RORA: variants seen among roughly 807,000 people sequenced by gnomAD.
RORA encodes RAR related orphan receptor A.
A neutral mutation model predicts 69.5 loss-of-function variants in RORA; 7 were observed. That is an observed-to-expected ratio of 0.10 (90% CI 0.06 to 0.19). The LOEUF (loss-of-function observed/expected upper bound fraction) is 0.19. Ranked by LOEUF, RORA falls within the 10% of genes least tolerant of loss-of-function variation. The pLI is 1.00. For synonymous variants in RORA, 261 were observed against 240.8 expected, an observed-to-expected ratio of 1.08 and a Z score of -0.78; for missense variants, 457 against 663.0, an observed-to-expected ratio of 0.69 and a Z score of 3.41.
chr15:60,995,151 A>G lies in RORA; in HGVS notation c.166+233902T>C, dbSNP rs1449250884. 2.0e-5 allele frequency among the ~76,000 whole-genome samples: 3 copies of G among 152,224 alleles called. No homozygotes were observed. In the East Asian group the frequency reaches 5.8e-4, roughly 29 times the overall value. On this transcript the variant is annotated intron_variant, in intron 1 of 10. Coordinates refer to ENST00000335670, the MANE Select transcript of RORA (RefSeq NM_134261.3). ...GGTGGGGCAGAGAATAGGGAAATGAATAAGAATAATGACTTAAAAGCTTTC... is the reference window on the plus strand; with the variant it reads ...GGTGGGGCAGAGAATAGGGAAATGAGTAAGAATAATGACTTAAAAGCTTTC...
chr15:61,007,634 T>C (rs563755965), intron 1 of RORA, among the ~76,000 whole-genome samples: 1 of 151,188 alleles, frequency 6.6e-6, no homozygotes, highest in African/African-American at 2.4e-5. Context: ...ACACATATTT[T>C]TATTACAAAG....
At chr15:60,767,889 C>CTGG (rs1159799103) in intron 1 of RORA, among the ~76,000 whole-genome samples, 1 of 152,322 alleles carries the variant, frequency 6.6e-6, no homozygotes, top group African/African-American at 2.4e-5. Context: ...GGTCCGTACA[C>CTGG]TGGTGGCTTT....
intron 1 of RORA, among the ~76,000 whole-genome samples, chr15:60,686,076 G>A (rs529330933): frequency 1.3e-3 from 192 of 152,196 alleles, no homozygotes; most frequent in Non-Finnish European, 2.1e-3. Flanking sequence ...AAAAAAATTT[G>A]TGATTGCTCT....
intron 1 of RORA, among the ~76,000 whole-genome samples, chr15:60,870,164 G>A (rs1306396422): frequency 6.6e-6 from 1 of 152,182 alleles, no homozygotes; most frequent in Non-Finnish European, 1.5e-5. Flanking sequence ...GCCACAGCTG[G>A]CTACAGAAAC....
chr15:60,708,990 C>T (rs115176218), intron 1 of RORA, among the ~76,000 whole-genome samples: 2 of 152,290 alleles, frequency 1.3e-5, no homozygotes, highest in African/African-American at 4.8e-5. Flanking sequence ...GCAAAGAATA[C>T]GTGAGCAGCT....
chr15:61,027,701 A>G (rs1895903523), intron 1 of RORA, among the ~76,000 whole-genome samples: 1 of 152,226 alleles, frequency 6.6e-6, no homozygotes, highest in Non-Finnish European at 1.5e-5. Flanking sequence ...CTTGCAATTA[A>G]TAGGAGATCC....
intron 1 of RORA, among the ~76,000 whole-genome samples, chr15:60,712,302 A>G (rs1002442285): frequency 6.6e-6 from 1 of 152,204 alleles, no homozygotes; most frequent in Non-Finnish European, 1.5e-5. Flanking sequence ...TTTTCTTTAA[A>G]AAGGTGTGTT....
intron 2 of RORA, among the ~76,000 whole-genome samples, chr15:60,629,738 G>T (rs887673427): frequency 3.3e-5 from 5 of 152,208 alleles, no homozygotes; most frequent in Non-Finnish European, 7.3e-5. Context: ...CTAGGTGTGG[G>T]CTGCACAGAT....
chr15:60,503,816 T>C, intron 6 of RORA, 149 bp from the exon 7 acceptor site: 1 of 943,642 alleles, frequency 1.1e-6, no homozygotes, highest in Non-Finnish European at 1.5e-6. Flanking sequence ...TTTTATTTTA[T>C]TTTTGAGATG....
At chr15:60,961,481 G>A (rs892128714) in intron 1 of RORA, among the ~76,000 whole-genome samples, 13 of 152,178 alleles carry the variant, frequency 8.5e-5, no homozygotes, top group South Asian at 2.1e-4. Context: ...ATTGATATAC[G>A]TGACAGAGAC....
At chr15:60,598,486 T>A (rs1415759853) in intron 2 of RORA, 2 of 152,222 alleles carry the variant, frequency 1.3e-5, no homozygotes, top group African/African-American at 4.8e-5. Flanking sequence ...AAGACCTTTA[T>A]GACAATCCAC....
rs1249958322 is a variant in RORA at position 60,883,149 on chromosome 15, AAAGAAAGAGAG to A, written c.167-204474_167-204464del. Among the ~76,000 whole-genome samples the A allele has an allele frequency of 1.0e-3, 35 of 34,146 alleles. 1 individual carries two copies. The highest frequency in any genetic ancestry group is 9.8e-3 in the East Asian group (11 of 1,124). The allele number at this position is 34,146 out of a possible 152,430, so 22.4% of individuals were successfully genotyped here. A position where few individuals can be genotyped will look rare whatever the true frequency, so the allele number is the denominator to read the frequency against. ...TCGTCTCAAAAAAAAAAAAAAAAAAAAAGAAAGAGAGAGAGAGAGAGAGAGAGAGAGAGAAA... is the reference window on the plus strand; with the variant it reads ...TCGTCTCAAAAAAAAAAAAAAAAAAAAGAGAGAGAGAGAGAGAGAGAGAAA... On this transcript the variant is annotated intron_variant, in intron 1 of 10. Transcript: ENST00000335670.
intron 2 of RORA, among the ~76,000 whole-genome samples, chr15:60,581,017 C>T (rs1159450571): frequency 1.3e-5 from 2 of 152,158 alleles, no homozygotes; most frequent in Admixed American, 1.3e-4. Context: ...ACTACAGCAC[C>T]CACATTTTCT....
chr15:61,133,882 G>A (rs2079214008), intron 1 of RORA, among the ~76,000 whole-genome samples: 1 of 152,128 alleles, frequency 6.6e-6, no homozygotes, highest in South Asian at 2.1e-4. Context: ...ATCTTTAACT[G>A]TAGCAAAATA....
At chr15:60,767,528 A>C (rs1435323676) in intron 1 of RORA, among the ~76,000 whole-genome samples, 1 of 152,166 alleles carries the variant, frequency 6.6e-6, no homozygotes, top group Non-Finnish European at 1.5e-5. Flanking sequence ...TTAGCTTTGA[A>C]GCATCCTTCT....
intron 1 of RORA, among the ~76,000 whole-genome samples, chr15:60,813,056 C>T (rs1264070386): frequency 2.6e-5 from 4 of 152,290 alleles, no homozygotes; most frequent in Admixed American, 6.5e-5. Context: ...TGATGCAGAT[C>T]GGTGGTCTTT....
chr15:60,723,864 G>T (rs2071323906), intron 1 of RORA, among the ~76,000 whole-genome samples: 1 of 152,214 alleles, frequency 6.6e-6, no homozygotes, highest in Non-Finnish European at 1.5e-5. Flanking sequence ...AAAAAGTTTG[G>T]AGTATGTGCA....
rs1327292935 is a variant in RORA at position 60,999,967 on chromosome 15, A to T, written c.166+229086T>A. Among the ~76,000 whole-genome samples the T allele has an allele frequency of 2.6e-5, 4 of 152,208 alleles. No individual in the cohort carries two copies. In the South Asian group the frequency reaches 6.2e-4, roughly 24 times the overall value. ...ATCTGCCCCTTTCCCCCTCAAAAAA[A>T]GGCATCCTAACAGAACTACTTCAAG... On this transcript the variant is annotated intron_variant, in intron 1 of 10. Coordinates refer to ENST00000335670, the MANE Select transcript of RORA (RefSeq NM_134261.3).
At chr15:60,573,009 G>A (rs886924593) in intron 2 of RORA, among the ~76,000 whole-genome samples, 2 of 152,218 alleles carry the variant, frequency 1.3e-5, no homozygotes, top group African/African-American at 4.8e-5. Context: ...ACAAGGCTGA[G>A]TAAGTACATG....
Sources: allele counts gnomAD v4.1 joint callset (sites outside exome capture counted in the v4.1 genomes callset), GRCh38; gene constraint gnomAD v4.1.1; transcripts MANE v1.5; gene names NCBI Gene and HGNC (gene_info 2026-07-23, HGNC 2026-07-21).